The following LRRTM4 variants were observed in gnomAD, a reference collection of about 807,000 sequenced individuals.
LRRTM4 encodes leucine rich repeat transmembrane neuronal 4, also known as leucine-rich repeat transmembrane neuronal protein 4.
LRRTM4 carries 25 observed loss-of-function variants against 47.6 expected under a neutral mutation model. That is an observed-to-expected ratio of 0.53 (90% CI 0.38 to 0.73). The LOEUF is 0.73. LRRTM4 is among the 30% of genes least tolerant of loss of function. The pLI, the probability that LRRTM4 is intolerant of heterozygous loss-of-function variation, is 0.00. For missense variants in LRRTM4, 638 were observed against 713.4 expected, an observed-to-expected ratio of 0.89 and a Z score of 1.20; for synonymous variants, 311 against 269.5, an observed-to-expected ratio of 1.15 and a Z score of -1.51.
chr2:76,782,461 A>G (rs1305382738), intron 3 of LRRTM4, among the ~76,000 whole-genome samples: 1 of 152,192 alleles, frequency 6.6e-6, no homozygotes, highest in African/African-American at 2.4e-5. Context: ...AACATGTTTT[A>G]AGCAAATATT....
rs189737051 is a variant in LRRTM4, at chr2:77,503,443, A to G, written c.1551+14875T>C. On this transcript the variant is annotated intron_variant, in intron 3 of 3. Coordinates refer to ENST00000409884, the MANE Select transcript of LRRTM4 (RefSeq NM_001134745.3). ...AAACGTGGAGAAAAGATCTTGGCTT[A>G]CTTTTGGAAATGACTTTAAGATGTC... is the stretch of plus-strand genomic sequence containing the variant. 5.8e-3 allele frequency among the ~76,000 whole-genome samples: 882 copies of G among 151,820 alleles called. 8 individuals carry two copies. Among genetic ancestry groups the G allele is most frequent in the African/African-American group, 0.021 (859 of 41,492 alleles).
chr2:76,766,117 A>G (rs1673444926), intron 3 of LRRTM4, among the ~76,000 whole-genome samples: 1 of 152,186 alleles, frequency 6.6e-6, no homozygotes, highest in African/African-American at 2.4e-5. Flanking sequence ...AATTTAGGGA[A>G]GAGCCTACAG....
chr2:77,424,303 G>GA, intron 3 of LRRTM4, among the ~76,000 whole-genome samples: 1 of 152,022 alleles, frequency 6.6e-6, no homozygotes, highest in African/African-American at 2.4e-5. Context: ...TGAATTTTTA[G>GA]AAAAAAATGT....
chr2:77,504,097 G>A (rs1420160437), intron 3 of LRRTM4, among the ~76,000 whole-genome samples: 1 of 151,630 alleles, frequency 6.6e-6, no homozygotes, highest in Non-Finnish European at 1.5e-5. Context: ...AATTCTCTCT[G>A]TCTCTCTTCC....
At chr2:76,888,535 T>C (rs1444138953) in intron 3 of LRRTM4, among the ~76,000 whole-genome samples, 1 of 151,672 alleles carries the variant, frequency 6.6e-6, no homozygotes, top group Non-Finnish European at 1.5e-5. Flanking sequence ...TTAATAAAAA[T>C]ACACTTAAAG....
chr2:77,073,075 G>A (rs937835097), intron 3 of LRRTM4, among the ~76,000 whole-genome samples: 1 of 151,932 alleles, frequency 6.6e-6, no homozygotes, highest in Non-Finnish European at 1.5e-5. Context: ...CAGACCAGTG[G>A]CATCAGAATC....
At chr2:77,425,755 C>A (rs1675079442) in intron 3 of LRRTM4, among the ~76,000 whole-genome samples, 1 of 152,130 alleles carries the variant, frequency 6.6e-6, no homozygotes, top group Admixed American at 6.5e-5. Context: ...ATATCCAGCT[C>A]TCCTTTCAAG....
At chr2:76,991,716 G>A (rs1677016487) in intron 3 of LRRTM4, among the ~76,000 whole-genome samples, 1 of 151,618 alleles carries the variant, frequency 6.6e-6, no homozygotes, top group African/African-American at 2.4e-5. Flanking sequence ...ACAGAGAAGA[G>A]CTGGTACCAA....
intron 3 of LRRTM4, among the ~76,000 whole-genome samples, chr2:77,439,638 G>A (rs1315824087): frequency 6.6e-6 from 1 of 151,930 alleles, no homozygotes; most frequent in Non-Finnish European, 1.5e-5. Context: ...AATGCAATAA[G>A]AATTAAAGTC....
At chr2:77,425,168 C>T (rs1325911968) in intron 3 of LRRTM4, among the ~76,000 whole-genome samples, 1 of 114,788 alleles carries the variant, frequency 8.7e-6, no homozygotes, top group Non-Finnish European at 1.8e-5. Context: ...TTTATTCATT[C>T]AGAGTAAACC....
chr2:77,179,502 A>C (rs1277284161), intron 3 of LRRTM4, among the ~76,000 whole-genome samples: 1 of 152,174 alleles, frequency 6.6e-6, no homozygotes, highest in African/African-American at 2.4e-5. Context: ...ACTGACAGGC[A>C]TTACATTGAG....
intron 3 of LRRTM4, among the ~76,000 whole-genome samples, chr2:77,468,172 A>G (rs1677051311): frequency 1.3e-5 from 2 of 152,188 alleles, no homozygotes; most frequent in Admixed American, 1.3e-4. Context: ...TAGAAACTAA[A>G]GGATAGGAAA....
intron 3 of LRRTM4, among the ~76,000 whole-genome samples, chr2:77,337,403 A>G (rs1202804162): frequency 9.2e-5 from 14 of 152,100 alleles, no homozygotes; most frequent in Non-Finnish European, 2.1e-4. Flanking sequence ...TTCAGGAAAG[A>G]GCCTGATATG....
rs116355098 is a variant in LRRTM4, at chr2:77,209,451, C to T, written c.1551+308867G>A. 3.2e-3 allele frequency among the ~76,000 whole-genome samples: 480 copies of T among 150,938 alleles called. 10 individuals are homozygous for T. Among genetic ancestry groups the T allele is most frequent in the Admixed American group, 0.022 (340 of 15,164 alleles). On this transcript the variant is annotated intron_variant, in intron 3 of 3. Coordinates refer to ENST00000409884, the MANE Select transcript of LRRTM4 (RefSeq NM_001134745.3). ...GAAAAAAAAAAAAACAAAAAACCAA[C>T]CAATTTATACCAGTCGCACTGCAAA...
rs532094928 is a variant in LRRTM4, at chr2:77,171,638, T to C, written c.1551+346680A>G. Among the ~76,000 whole-genome samples, 4 of 152,024 alleles carry C rather than the reference T, an allele frequency of 2.6e-5. No individual in the cohort carries two copies. The East Asian group carries it at 5.8e-4, about 22-fold the overall frequency. On this transcript the variant is annotated intron_variant, in intron 3 of 3. Coordinates refer to ENST00000409884, the MANE Select transcript of LRRTM4 (RefSeq NM_001134745.3). ...ATATAAGATATAGGTCATATATTTA[T>C]ATGATCAGAAATATTTTTATTTATA...
At chr2:77,440,930 C>CA (rs1675815410) in intron 3 of LRRTM4, among the ~76,000 whole-genome samples, 1 of 152,242 alleles carries the variant, frequency 6.6e-6, no homozygotes, top group Non-Finnish European at 1.5e-5. Flanking sequence ...AAGTACTCTC[C>CA]AAAATCCAAT....
chr2:76,964,019 AT>A (rs1675945493), intron 3 of LRRTM4, among the ~76,000 whole-genome samples: 1 of 151,016 alleles, frequency 6.6e-6, no homozygotes, highest in Admixed American at 6.6e-5. Context: ...AATCAGAAAT[AT>A]ATTATCAAAT....
At chr2:77,200,505 A>C (rs1420789235) in intron 3 of LRRTM4, among the ~76,000 whole-genome samples, 1 of 152,132 alleles carries the variant, frequency 6.6e-6, no homozygotes, top group Admixed American at 6.6e-5. Flanking sequence ...ACATTCTAAA[A>C]TGTTTATGAA....
At chr2:77,424,719 A>G (rs2103890013) in intron 3 of LRRTM4, among the ~76,000 whole-genome samples, 1 of 152,322 alleles carries the variant, frequency 6.6e-6, no homozygotes, top group South Asian at 2.1e-4. Flanking sequence ...TTATTTAACT[A>G]AAAATGAATC....
Sources: allele counts gnomAD v4.1 joint callset (sites outside exome capture counted in the v4.1 genomes callset), GRCh38; gene constraint gnomAD v4.1.1; transcripts MANE v1.5; gene names NCBI Gene and HGNC (gene_info 2026-07-23, HGNC 2026-07-21).